The following MFSD6 variants were observed in gnomAD, a reference collection of about 807,000 sequenced individuals.
MFSD6 encodes the protein major facilitator superfamily domain-containing protein 6.
A neutral mutation model predicts 56.3 loss-of-function variants in MFSD6; 26 were observed. The observed-to-expected ratio is 0.46, with a 90% CI of 0.34 to 0.64. The LOEUF (loss-of-function observed/expected upper bound fraction) is 0.64. Ranked by LOEUF, MFSD6 falls within the 30% of genes least tolerant of loss-of-function variation. The probability of loss-of-function intolerance (pLI) is 0.01; values close to 1 mark genes in which losing one functional copy is unlikely to be tolerated. For missense variants in MFSD6, 750 were observed against 986.2 expected (o/e 0.76, Z 3.21); for synonymous variants, 331 against 366.9 (o/e 0.90, Z 1.12).
rs62180997 is a variant in MFSD6 at position 190,434,460 on chromosome 2, G to T, written c.-53-1517G>T. Among the ~76,000 whole-genome samples, 1 of 151,704 alleles carries T rather than the reference G, an allele frequency of 6.6e-6. No individual in the cohort carries two copies. The highest frequency in any genetic ancestry group is 1.5e-5 in the Non-Finnish European group (1 of 67,948). On this transcript the variant is annotated intron_variant, in intron 2 of 7. Coordinates refer to ENST00000392328, the MANE Select transcript of MFSD6 (RefSeq NM_017694.4). This position sits in a 1 kb window ranked among gnomAD's most constrained non-coding sequence, Gnocchi z 4.3. Reference sequence around the variant, plus strand: ...TTTTATTTATTTATTTTTTTGAGACGGAGTCTCGCTCTGTTGCCAGGCTGG... The same window carrying T: ...TTTTATTTATTTATTTTTTTGAGACTGAGTCTCGCTCTGTTGCCAGGCTGG...
chr2:190,476,515 T>C (rs901425687), intron 4 of MFSD6, among the ~76,000 whole-genome samples: 2 of 152,114 alleles, frequency 1.3e-5, no homozygotes, highest in Non-Finnish European at 1.5e-5. Flanking sequence ...TACCATCTCA[T>C]ACCAATTAGA....
rs1042963775 is a variant in MFSD6 at position 190,490,528 on chromosome 2, A to G, written c.1891+662A>G. Among the ~76,000 whole-genome samples, 1 of 152,062 alleles carries G rather than the reference A, an allele frequency of 6.6e-6. No homozygotes were observed. Among genetic ancestry groups the G allele is most frequent in the African/African-American group, 2.4e-5 (1 of 41,408 alleles). The stretch of plus-strand genomic sequence containing the variant: ...CAGTGAGCCGAGATAGCACCACTGC[A>G]GTCCAGCCTGGGGGAACGAGCAAGA... On this transcript the variant is annotated intron_variant, in intron 6 of 7. Transcript: ENST00000392328. The surrounding 1 kb of genome is among the most constrained non-coding windows in gnomAD (Gnocchi z 4.5).
At position 190,457,135 on chromosome 2, in the gene MFSD6, C is replaced by T. The variant is rs1386537239; in HGVS notation, c.1533-12623C>T. 6.6e-6 allele frequency among the ~76,000 whole-genome samples: 1 copy of T among 152,162 alleles called. No homozygotes were observed. Among genetic ancestry groups the T allele is most frequent in the African/African-American group, 2.4e-5 (1 of 41,424 alleles). On this transcript the variant is annotated intron_variant, in intron 3 of 7. Transcript: ENST00000392328. The surrounding 1 kb of genome is among the most constrained non-coding windows in gnomAD (Gnocchi z 5.1). ...TCAAGCCCTTGTCTAGGTTTGATTT[C>T]ATGTAGGGAGCTTGGAGTGTGGAAA...
chr2:190,409,553 A>G (rs1360503111), intron 1 of MFSD6, among the ~76,000 whole-genome samples: 2 of 152,180 alleles, frequency 1.3e-5, no homozygotes, highest in African/African-American at 4.8e-5. Context: ...GTTGGATATT[A>G]TAGTGGCCAA....
In MFSD6 at chr2:190,436,652, TCTCA is replaced by T; in HGVS notation, c.624_627del (p.Ser209ThrfsTer11). ...AACCTTTTGGAAACAAGGCTCAATG[TCTCA>T]GACACCGTTACTTTGCCAACAGCTC... On this transcript the variant is annotated frameshift_variant, in exon 3 of 8. Transcript: ENST00000392328. LOFTEE classifies it high-confidence loss of function. The surrounding 1 kb of genome is among the most constrained non-coding windows in gnomAD (Gnocchi z 5.3). 6.2e-7 allele frequency: 1 copy of T among 1,614,180 alleles called. No individual in the cohort carries two copies.
At chr2:190,453,596 G>C (rs553212714) in intron 3 of MFSD6, among the ~76,000 whole-genome samples, 1 of 152,330 alleles carries the variant, frequency 6.6e-6, no homozygotes, top group South Asian at 2.1e-4. Flanking sequence ...CAAATTCAGT[G>C]CTTCTAACGT....
At position 190,496,188 on chromosome 2, in the gene MFSD6, A is replaced by G. The variant is rs181031567; in HGVS notation, c.1892-1251A>G. ...AGTGGACTAAGGACATGCATAAACAATTCTCAAGCAAAGATACACAAATGG... is the reference window on the plus strand; with the variant it reads ...AGTGGACTAAGGACATGCATAAACAGTTCTCAAGCAAAGATACACAAATGG... On this transcript the variant is annotated intron_variant, in intron 6 of 7. Coordinates refer to ENST00000392328, the MANE Select transcript of MFSD6 (RefSeq NM_017694.4). This position sits in a 1 kb window ranked among gnomAD's most constrained non-coding sequence, Gnocchi z 4.7. Among the ~76,000 whole-genome samples the G allele has an allele frequency of 3.7e-3, 559 of 152,224 alleles. 5 individuals carry two copies. The highest frequency in any genetic ancestry group is 6.8e-3 in the Middle Eastern group (2 of 294).
chr2:190,445,499 AT>A (rs11397321), intron 3 of MFSD6, among the ~76,000 whole-genome samples: 1 of 148,166 alleles, frequency 6.7e-6, no homozygotes, highest in African/African-American at 2.5e-5. Context: ...AAGAACACGA[AT>A]TTTTTTTTTC....
rs1316606585 is a variant in MFSD6 at position 190,489,971 on chromosome 2, G to A, written c.1891+105G>A. On this transcript the variant is annotated intron_variant, in intron 6 of 7. Transcript: ENST00000392328. The surrounding 1 kb of genome is among the most constrained non-coding windows in gnomAD (Gnocchi z 6.6). Reference sequence around the variant, plus strand: ...GTGGTACAGAGTATACAACAGGTCTGTTTGGCTCAATTTTCTGAGTGGCGT... The same window carrying A: ...GTGGTACAGAGTATACAACAGGTCTATTTGGCTCAATTTTCTGAGTGGCGT... The A allele has an allele frequency of 2.2e-6, 2 of 914,876 alleles. No individual in the cohort carries two copies. Among genetic ancestry groups the A allele is most frequent in the Non-Finnish European group, 3.2e-6 (2 of 625,362 alleles). The allele number at this position is 914,876 out of a possible 1,614,324, so 56.7% of individuals were successfully genotyped here. A position where few individuals can be genotyped will look rare whatever the true frequency, so the allele number is the denominator to read the frequency against.
In MFSD6 at chr2:190,410,594, A is replaced by G. The variant is rs1408107481; in HGVS notation, c.-176+2091A>G. Among the ~76,000 whole-genome samples the G allele has an allele frequency of 6.6e-6, 1 of 152,164 alleles. No homozygotes were observed. The highest frequency in any genetic ancestry group is 1.5e-5 in the Non-Finnish European group (1 of 68,042). ...TGTGTATGTTTACCCTTTTGTCCTCACCAGTTGTAGATTGAAGGCAGTATG... is the reference window on the plus strand; with the variant it reads ...TGTGTATGTTTACCCTTTTGTCCTCGCCAGTTGTAGATTGAAGGCAGTATG... On this transcript the variant is annotated intron_variant, in intron 1 of 7. Transcript: ENST00000392328. This position sits in a 1 kb window ranked among gnomAD's most constrained non-coding sequence, Gnocchi z 4.4.
In MFSD6 at chr2:190,498,193, TA is replaced by T. The variant is rs1001198755; in HGVS notation, c.2172+478del. ...GGTGGCCTCACCTGAAAAATAAGTC[TA>T]AAAGTGTGATTTTTCTTGTCCCCAG... On this transcript the variant is annotated intron_variant, in intron 7 of 7. Transcript: ENST00000392328. This position sits in a 1 kb window ranked among gnomAD's most constrained non-coding sequence, Gnocchi z 5.9. 6.6e-6 allele frequency among the ~76,000 whole-genome samples: 1 copy of T among 152,224 alleles called. No homozygotes were observed. The highest frequency in any genetic ancestry group is 1.5e-5 in the Non-Finnish European group (1 of 68,044).
At position 190,410,412 on chromosome 2, in the gene MFSD6, C is replaced by A. The variant is rs976304448; in HGVS notation, c.-176+1909C>A. Among the ~76,000 whole-genome samples, 1 of 152,174 alleles carries A rather than the reference C, an allele frequency of 6.6e-6. No homozygotes were observed. Among genetic ancestry groups the A allele is most frequent in the African/African-American group, 2.4e-5 (1 of 41,440 alleles). ...CAGGAAATTTCCACATGGTGTCCCT[C>A]CCTAATCAGAACCTATTAAGTCTCT... On this transcript the variant is annotated intron_variant, in intron 1 of 7. Coordinates refer to ENST00000392328, the MANE Select transcript of MFSD6 (RefSeq NM_017694.4). This position sits in a 1 kb window ranked among gnomAD's most constrained non-coding sequence, Gnocchi z 4.4.
At position 190,454,930 on chromosome 2, in the gene MFSD6, C is replaced by CTATA. The variant is rs1686934993; in HGVS notation, c.1533-14827_1533-14826insATAT. On this transcript the variant is annotated intron_variant, in intron 3 of 7. Transcript: ENST00000392328. This position sits in a 1 kb window ranked among gnomAD's most constrained non-coding sequence, Gnocchi z 4.6. ...CTGTATGTATATGTGTTCCTGGTTT[C>CTATA]TGTATGTATATGTATATGTATATGT... Among the ~76,000 whole-genome samples the CTATA allele has an allele frequency of 1.7e-5, 2 of 120,550 alleles. No homozygotes were observed. Among genetic ancestry groups the CTATA allele is most frequent in the Non-Finnish European group, 3.2e-5 (2 of 61,828 alleles). The allele number at this position is 120,550 out of a possible 152,430, so 79.1% of individuals were successfully genotyped here.
rs944960525 is a variant in MFSD6, at chr2:190,434,648, G to C, written c.-53-1329G>C. On this transcript the variant is annotated intron_variant, in intron 2 of 7. Coordinates refer to ENST00000392328, the MANE Select transcript of MFSD6 (RefSeq NM_017694.4). The surrounding 1 kb of genome is among the most constrained non-coding windows in gnomAD (Gnocchi z 4.3). ...GGGGTTTCACCATGTTGGCCAGGATGGTCTCAATCTCCTGAACTCATGATC... is the reference window on the plus strand; with the variant it reads ...GGGGTTTCACCATGTTGGCCAGGATCGTCTCAATCTCCTGAACTCATGATC... Among the ~76,000 whole-genome samples the C allele has an allele frequency of 4.6e-5, 7 of 152,106 alleles. No homozygotes were observed. The highest frequency in any genetic ancestry group is 1.7e-4 in the African/African-American group (7 of 41,414).
At chr2:190,477,295 C>T (rs1688390612) in intron 4 of MFSD6, 1 of 984,756 alleles carries the variant, frequency 1.0e-6, no homozygotes. Context: ...GATTTCCCAC[C>T]TCTGGTTCCT....
At position 190,439,992 on chromosome 2, in the gene MFSD6, T is replaced by C. The variant is rs1686312990; in HGVS notation, c.1532+2431T>C. Among the ~76,000 whole-genome samples the C allele has an allele frequency of 6.6e-6, 1 of 152,204 alleles. No homozygotes were observed. The highest frequency in any genetic ancestry group is 2.4e-5 in the African/African-American group (1 of 41,452). On this transcript the variant is annotated intron_variant, in intron 3 of 7. Coordinates refer to ENST00000392328, the MANE Select transcript of MFSD6 (RefSeq NM_017694.4). This position sits in a 1 kb window ranked among gnomAD's most constrained non-coding sequence, Gnocchi z 5.8. ...TGGAAGAATACCATTCATTAAGTAG[T>C]TGGTGAAGAGAAATGATCTCTGAAT... is the stretch of plus-strand genomic sequence containing the variant.
intron 3 of MFSD6, among the ~76,000 whole-genome samples, chr2:190,455,277 CT>C (rs1444264352): frequency 7.1e-6 from 1 of 141,056 alleles, no homozygotes. Flanking sequence ...TTATTCATAG[CT>C]CTATTAATTA....
intron 1 of MFSD6, among the ~76,000 whole-genome samples, chr2:190,414,040 A>G (rs1186832140): frequency 6.6e-6 from 1 of 152,164 alleles, no homozygotes; most frequent in Non-Finnish European, 1.5e-5. Flanking sequence ...CACCAAACAC[A>G]TAAAGCAGAA....
chr2:190,464,026 AG>A, intron 3 of MFSD6: 1 of 390,934 alleles, frequency 2.6e-6, no homozygotes, highest in African/African-American at 2.2e-5. Flanking sequence ...GGTATAGCTG[AG>A]GAAATTGCCC....
Sources: allele counts gnomAD v4.1 joint callset (sites outside exome capture counted in the v4.1 genomes callset), GRCh38; gene constraint gnomAD v4.1.1; non-coding constraint Gnocchi (gnomAD v3.1); transcripts MANE v1.5; gene names NCBI Gene and HGNC (gene_info 2026-07-23, HGNC 2026-07-21).